CLSTN2: variants seen among roughly 807,000 people sequenced by gnomAD.
CLSTN2 encodes the protein calsyntenin-2.
CLSTN2 carries 48 observed loss-of-function variants against 101.2 expected under a neutral mutation model. The observed-to-expected ratio is 0.47, with a 90% confidence interval of 0.38 to 0.60. CLSTN2 has a LOEUF of 0.60. CLSTN2 is among the 20% of genes least tolerant of loss of function. The pLI, the probability that CLSTN2 is intolerant of heterozygous loss-of-function variation, is 0.00. For synonymous variants in CLSTN2, 481 were observed against 463.6 expected (o/e 1.04, Z -0.48); for missense variants, 1,160 against 1,238.2 (o/e 0.94, Z 0.95).
chr3:140,466,553 T>C (rs1467005477), intron 7 of CLSTN2, 57 bp from the exon 8 acceptor site: 43 of 1,610,310 alleles, frequency 2.7e-5, no homozygotes, highest in Non-Finnish European at 3.7e-5. Context: ...AAGACTCCTC[T>C]GGTGGAGGCT....
intron 8 of CLSTN2, among the ~76,000 whole-genome samples, chr3:140,490,881 A>T (rs1934341757): frequency 6.6e-6 from 1 of 152,194 alleles, no homozygotes; most frequent in Non-Finnish European, 1.5e-5. Context: ...AGAGCGGCCA[A>T]GCCAGTGAGA....
intron 1 of CLSTN2, among the ~76,000 whole-genome samples, chr3:140,021,416 G>A (rs1202944783): frequency 6.6e-6 from 1 of 152,152 alleles, no homozygotes; most frequent in Non-Finnish European, 1.5e-5. Context: ...ATGGCGTGGC[G>A]TACCGGCAGC....
At chr3:140,217,772 A>C (rs1333330525) in intron 2 of CLSTN2, among the ~76,000 whole-genome samples, 1 of 152,258 alleles carries the variant, frequency 6.6e-6, no homozygotes, top group African/African-American at 2.4e-5. Context: ...TTAGAAAACC[A>C]GAACACTATT....
intron 2 of CLSTN2, among the ~76,000 whole-genome samples, chr3:140,386,939 T>C (rs1040312221): frequency 2.0e-5 from 3 of 152,230 alleles, no homozygotes; most frequent in African/African-American, 7.2e-5. Context: ...ATGTCTGCCT[T>C]GGCCTAACCT....
intron 2 of CLSTN2, among the ~76,000 whole-genome samples, chr3:140,202,343 G>A (rs2010728181): frequency 6.6e-6 from 1 of 152,168 alleles, no homozygotes; most frequent in South Asian, 2.1e-4. Flanking sequence ...TTGTGGGTGG[G>A]TATGTTTGGA....
At chr3:140,022,405 A>C (rs1213552041) in intron 1 of CLSTN2, among the ~76,000 whole-genome samples, 1 of 152,226 alleles carries the variant, frequency 6.6e-6, no homozygotes, top group Non-Finnish European at 1.5e-5. Flanking sequence ...AAGGGTTTGC[A>C]GAAGAGCAAT....
At chr3:140,547,488 GA>G (rs1935618734) in intron 10 of CLSTN2, among the ~76,000 whole-genome samples, 3 of 151,668 alleles carry the variant, frequency 2.0e-5, no homozygotes, top group African/African-American at 7.3e-5. Context: ...AAAAGAGGAA[GA>G]AGAAGAAGAA....
At chr3:140,093,094 G>C (rs2008808764) in intron 1 of CLSTN2, among the ~76,000 whole-genome samples, 1 of 152,182 alleles carries the variant, frequency 6.6e-6, no homozygotes, top group Admixed American at 6.5e-5. Context: ...GACAGAGAGA[G>C]AGAAGGTGGG....
At chr3:140,314,875 A>G (rs186322125) in intron 2 of CLSTN2, among the ~76,000 whole-genome samples, 31 of 152,194 alleles carry the variant, frequency 2.0e-4, no homozygotes, top group Admixed American at 7.2e-4. Flanking sequence ...CTATCTCCCT[A>G]AAGGAAGGAA....
chr3:140,459,021 A>G (rs1230939004), intron 6 of CLSTN2, among the ~76,000 whole-genome samples: 2 of 152,188 alleles, frequency 1.3e-5, no homozygotes, highest in African/African-American at 4.8e-5. Context: ...ACTTTCCCCA[A>G]TCACAGCCCT....
chr3:140,116,420 A>G (rs2009243171), intron 1 of CLSTN2, among the ~76,000 whole-genome samples: 1 of 152,228 alleles, frequency 6.6e-6, no homozygotes, highest in Non-Finnish European at 1.5e-5. Flanking sequence ...GAATAAGTGC[A>G]GCCAGGTTTA....
chr3:140,007,343 T>TG (rs2006979157), intron 1 of CLSTN2, among the ~76,000 whole-genome samples: 1 of 152,184 alleles, frequency 6.6e-6, no homozygotes, highest in African/African-American at 2.4e-5. Context: ...AAACAGGGCC[T>TG]GGGGGTCAGG....
At chr3:140,417,377 C>T (rs2088443686) in intron 4 of CLSTN2, among the ~76,000 whole-genome samples, 1 of 151,686 alleles carries the variant, frequency 6.6e-6, no homozygotes, top group Non-Finnish European at 1.5e-5. Context: ...ATCATTTTTC[C>T]AGAATCAATT....
intron 1 of CLSTN2, among the ~76,000 whole-genome samples, chr3:140,103,970 G>A (rs923389898): frequency 2.0e-5 from 3 of 152,206 alleles, no homozygotes; most frequent in Non-Finnish European, 4.4e-5. Flanking sequence ...ATGGAGAAAG[G>A]AGAGGGAACT....
At chr3:140,233,804 T>G (rs1376554479) in intron 2 of CLSTN2, among the ~76,000 whole-genome samples, 1 of 152,166 alleles carries the variant, frequency 6.6e-6, no homozygotes, top group Non-Finnish European at 1.5e-5. Context: ...CCTTCCACAA[T>G]CCCTCTTCCA....
Position 140,576,885 on chromosome 3 carries a change from A to C in CLSTN2, c.*10632A>C, listed in dbSNP as rs912207366. 1 of 152,248 alleles carries C rather than the reference A, an allele frequency of 6.6e-6. No homozygotes were observed. The highest frequency in any genetic ancestry group is 1.5e-5 in the Non-Finnish European group (1 of 68,050). 9.4% of individuals were successfully genotyped at this position (152,248 alleles called of 1,614,324 possible). A position where few individuals can be genotyped will look rare whatever the true frequency, so the allele number is the denominator to read the frequency against. On this transcript the variant is annotated 3_prime_UTR_variant, in exon 17 of 17. Transcript: ENST00000458420. ...TACTATTGTGTATGAGTGTGAAACA[A>C]TGCAGACTTTGGAGTATCTCATTAG...
intron 1 of CLSTN2, among the ~76,000 whole-genome samples, chr3:140,099,894 C>T (rs2008936351): frequency 6.6e-6 from 1 of 152,160 alleles, no homozygotes; most frequent in Non-Finnish European, 1.5e-5. Context: ...CTCTGGGTCA[C>T]CTGTAAGATG....
At chr3:140,291,919 T>C (rs1037675569) in intron 2 of CLSTN2, among the ~76,000 whole-genome samples, 1 of 151,890 alleles carries the variant, frequency 6.6e-6, no homozygotes, top group Admixed American at 6.6e-5. Context: ...GTCCTCTCCA[T>C]CTCCATCCCA....
rs995798282 is a variant in CLSTN2 at position 140,001,718 on chromosome 3, GT to G, written c.109+66247del. ...ATACTAAGTCTCATTCATGATTTCT[GT>G]TTTTTTTTTTTCTGTACCCATTAAC... is the stretch of plus-strand genomic sequence containing the variant. On this transcript the variant is annotated intron_variant, in intron 1 of 16. Coordinates refer to ENST00000458420, the MANE Select transcript of CLSTN2 (RefSeq NM_022131.3). Among the ~76,000 whole-genome samples, 25 of 145,392 alleles carry G rather than the reference GT, an allele frequency of 1.7e-4. 1 individual carries two copies. Among genetic ancestry groups the G allele is most frequent in the South Asian group, 6.6e-4 (3 of 4,544 alleles).
Sources: allele counts gnomAD v4.1 joint callset (sites outside exome capture counted in the v4.1 genomes callset), GRCh38; gene constraint gnomAD v4.1.1; transcripts MANE v1.5; gene names NCBI Gene and HGNC (gene_info 2026-07-23, HGNC 2026-07-21).